CPXM2: variants seen among roughly 807,000 people sequenced by gnomAD.
CPXM2 encodes inactive carboxypeptidase-like protein X2.
CPXM2 carries 66 observed loss-of-function variants against 86.1 expected under a neutral mutation model. The ratio of observed to expected loss-of-function variants is 0.77; its 90% confidence interval spans 0.63 to 0.94. The LOEUF (loss-of-function observed/expected upper bound fraction) is 0.94, where lower values mean the gene tolerates loss of function less well. CPXM2 is among the 40% of genes least tolerant of loss of function. The pLI, the probability that CPXM2 is intolerant of heterozygous loss-of-function variation, is 0.00. For synonymous variants in CPXM2, 388 were observed against 400.2 expected, an observed-to-expected ratio of 0.97 and a Z score of 0.36; for missense variants, 948 against 1,026.3, an observed-to-expected ratio of 0.92 and a Z score of 1.04.
At chr10:123,857,658 G>C (rs1024052291) in intron 3 of CPXM2, among the ~76,000 whole-genome samples, 2 of 115,076 alleles carry the variant, frequency 1.7e-5, no homozygotes. Context: ...GGAGATGGAA[G>C]GCGGCGTGGA....
In CPXM2 at chr10:123,854,385, A is replaced by ATATATATATT. The variant is rs1491122567; in HGVS notation, c.513+8228_513+8229insAATATATATA. The stretch of plus-strand genomic sequence containing the variant: ...AAATATATATATATAATATATATAT[A>ATATATATATT]ATATATATATTATATATATATTATA... On this transcript the variant is annotated intron_variant, in intron 3 of 13. Transcript: ENST00000241305. Among the ~76,000 whole-genome samples the ATATATATATT allele has an allele frequency of 9.4e-3, 815 of 86,406 alleles. 8 individuals are homozygous for ATATATATATT. The highest frequency in any genetic ancestry group is 0.015 in the Non-Finnish European group (690 of 46,150). 56.7% of individuals were successfully genotyped at this position (86,406 alleles called of 152,430 possible).
Position 123,797,972 on chromosome 10 carries a change from T to A in CPXM2, c.889+4A>T. The A allele has an allele frequency of 6.3e-7, 1 of 1,593,350 alleles. No individual in the cohort carries two copies. Among genetic ancestry groups the A allele is most frequent in the Non-Finnish European group, 8.5e-7 (1 of 1,170,294 alleles). ...CTGCAGGAAGCACAGGAGGGTGAAC[T>A]CACCTGGCAGTGGGCAGCCCAGGAT... On this transcript the variant is annotated splice_donor_region_variant and intron_variant, in intron 6 of 13. Coordinates refer to ENST00000241305, the MANE Select transcript of CPXM2 (RefSeq NM_198148.3).
Position 123,891,661 on chromosome 10 carries a change from C to A in CPXM2, c.-2G>T, listed in dbSNP as rs766445061. On this transcript the variant is annotated 5_prime_UTR_variant, in exon 1 of 14. Coordinates refer to ENST00000241305, the MANE Select transcript of CPXM2 (RefSeq NM_198148.3). This position sits in a 1 kb window ranked among gnomAD's most constrained non-coding sequence, Gnocchi z 5.6. ...GGTAGCGGTCCCCGGGCGGGACATG[C>A]CTGCTCCGCCCCGCGCCCAGGGCAG... 96 of 1,390,178 alleles carry A rather than the reference C, an allele frequency of 6.9e-5. No homozygotes were observed. Among genetic ancestry groups the A allele is most frequent in the Non-Finnish European group, 8.6e-5 (92 of 1,073,324 alleles). 86.1% of individuals were successfully genotyped at this position (1,390,178 alleles called of 1,614,324 possible).
chr10:123,797,617 TG>T (rs1221101960), intron 6 of CPXM2, among the ~76,000 whole-genome samples: 17 of 152,224 alleles, frequency 1.1e-4, no homozygotes, highest in Admixed American at 1.1e-3. Flanking sequence ...TGGAGTGTAG[TG>T]GTGCTATTTC....
At chr10:123,834,250 C>A (rs1029503679) in intron 4 of CPXM2, among the ~76,000 whole-genome samples, 3 of 152,154 alleles carry the variant, frequency 2.0e-5, no homozygotes, top group African/African-American at 7.2e-5. Context: ...AAAGAGCCCC[C>A]GCTATGCTAG....
rs998593436 is a variant in CPXM2 at position 123,842,282 on chromosome 10, T to A, written c.653+67A>T. 1.0e-5 allele frequency: 16 copies of A among 1,593,264 alleles called. No homozygotes were observed. In the African/African-American group the frequency reaches 2.2e-4, roughly 21 times the overall value. Reference sequence around the variant, plus strand: ...CCTCTCTGCAACTTCCAGACCTGTGTCTGTCCAGACCCTCAAAAGCTAGAC... The same window carrying A: ...CCTCTCTGCAACTTCCAGACCTGTGACTGTCCAGACCCTCAAAAGCTAGAC... On this transcript the variant is annotated intron_variant, in intron 4 of 13. Coordinates refer to ENST00000241305, the MANE Select transcript of CPXM2 (RefSeq NM_198148.3).
intron 6 of CPXM2, among the ~76,000 whole-genome samples, chr10:123,787,730 A>C (rs2134043451): frequency 6.6e-6 from 1 of 151,890 alleles, no homozygotes; most frequent in African/African-American, 2.4e-5. Context: ...TTGGCTGGGG[A>C]AAAGAGGTTC....
chr10:123,843,318 A>G (rs760770659), intron 3 of CPXM2: 3 of 454,984 alleles, frequency 6.6e-6, no homozygotes, highest in South Asian at 4.7e-5. Context: ...TCTCTATATT[A>G]TCACCATGTG....
chr10:123,761,756 C>T (rs1034969724), intron 11 of CPXM2, 116 bp downstream of exon 11: 4 of 1,003,394 alleles, frequency 4.0e-6, no homozygotes, highest in Non-Finnish European at 4.4e-6. Flanking sequence ...AGTGCTCCAC[C>T]GTGGCAGCCA....
At chr10:123,917,189 G>A (rs769282) in intron 2 of CPXM2, among the ~76,000 whole-genome samples, 53,478 of 152,084 alleles carry the variant, frequency 0.35, 9,805 homozygotes, top group Middle Eastern at 0.55. Context: ...TATTCATAAC[G>A]TTCCCAAATC....
At chr10:123,882,635 G>A (rs1425057027) in intron 1 of CPXM2, among the ~76,000 whole-genome samples, 2 of 152,116 alleles carry the variant, frequency 1.3e-5, no homozygotes, top group African/African-American at 4.8e-5. Context: ...TGGTGTTCAC[G>A]ACAACCTTCC....
intron 1 of CPXM2, among the ~76,000 whole-genome samples, chr10:123,886,572 G>A (rs1456920757): frequency 6.6e-6 from 1 of 152,064 alleles, no homozygotes; most frequent in Non-Finnish European, 1.5e-5. Flanking sequence ...CAAATTCCAC[G>A]GGCTCAAGAC....
chr10:123,831,408 G>C (rs1848163835), intron 4 of CPXM2, among the ~76,000 whole-genome samples: 1 of 152,220 alleles, frequency 6.6e-6, no homozygotes, highest in South Asian at 2.1e-4. Context: ...CAGGACCCAT[G>C]ACCCAGTATC....
chr10:123,789,226 C>T (rs984941935), intron 6 of CPXM2, among the ~76,000 whole-genome samples: 1 of 152,222 alleles, frequency 6.6e-6, no homozygotes, highest in African/African-American at 2.4e-5. Context: ...GGCACAGCCT[C>T]ACCTGATCCT....
upstream of CPXM2, among the ~76,000 whole-genome samples, chr10:123,941,022 T>C (rs1490916275): frequency 1.3e-5 from 2 of 151,936 alleles, no homozygotes; most frequent in African/African-American, 2.4e-5. Context: ...ATACAAAAGA[T>C]TAGCAGGGCG....
At chr10:123,855,452 C>T (rs1848700462) in intron 3 of CPXM2, among the ~76,000 whole-genome samples, 1 of 152,176 alleles carries the variant, frequency 6.6e-6, no homozygotes, top group Admixed American at 6.5e-5. Flanking sequence ...CAGCCACAGG[C>T]AGGTGTGGGT....
intron 2 of CPXM2, among the ~76,000 whole-genome samples, chr10:123,918,597 T>C (rs1945554083): frequency 6.6e-6 from 1 of 152,182 alleles, no homozygotes; most frequent in Non-Finnish European, 1.5e-5. Context: ...AATCCTCCCT[T>C]TCTGGCCAGA....
intron 13 of CPXM2, among the ~76,000 whole-genome samples, chr10:123,753,025 C>T (rs995190088): frequency 1.3e-5 from 2 of 152,126 alleles, no homozygotes; most frequent in African/African-American, 4.8e-5. Flanking sequence ...GAGGGACCAA[C>T]AGTGCAGCGG....
chr10:123,755,305 T>G (rs1846179237), intron 12 of CPXM2, among the ~76,000 whole-genome samples: 1 of 152,088 alleles, frequency 6.6e-6, no homozygotes, highest in Admixed American at 6.5e-5. Context: ...TTATTTTGCA[T>G]TTCAAAAAGG....
Sources: gnomAD v4.1 joint callset for allele counts (sites outside exome capture counted in the v4.1 genomes callset) on GRCh38, gnomAD v4.1.1 for gene constraint, Gnocchi (gnomAD v3.1) non-coding constraint, MANE v1.5 for transcripts, NCBI Gene and HGNC (gene_info 2026-07-23, HGNC 2026-07-21) for gene names.